G3BP1: variants seen among roughly 807,000 people sequenced by gnomAD.
G3BP1 encodes ras GTPase-activating protein-binding protein 1.
Under a neutral mutation model 58.6 loss-of-function variants are expected in G3BP1, and 35 were observed. The observed-to-expected ratio is 0.60, with a 90% CI of 0.46 to 0.79. G3BP1 has a LOEUF of 0.79. Ranked by LOEUF, G3BP1 falls within the 30% of genes least tolerant of loss-of-function variation. The pLI is 0.00. For synonymous variants in G3BP1, 191 were observed against 195.4 expected (o/e 0.98, Z 0.19); for missense variants, 523 against 580.8 (o/e 0.90, Z 1.02).
chr5:151,781,105 A>C (rs975200784), intron 1 of G3BP1, among the ~76,000 whole-genome samples: 12 of 152,352 alleles, frequency 7.9e-5, no homozygotes, highest in African/African-American at 2.9e-4. Context: ...AAATTAAGAA[A>C]AAGGTATTTC....
intron 4 of G3BP1, chr5:151,791,270 G>A (rs576788551): frequency 4.2e-5 from 18 of 424,946 alleles, no homozygotes; most frequent in African/African-American, 3.3e-4. Flanking sequence ...TAGTTTAGTG[G>A]GCATTTCCTA....
intron 1 of G3BP1, among the ~76,000 whole-genome samples, chr5:151,782,597 T>C (rs954197119): frequency 6.6e-6 from 1 of 152,124 alleles, no homozygotes; most frequent in African/African-American, 2.4e-5. Context: ...AAGTCCATAG[T>C]TGTAGAAATT....
At chr5:151,791,803 T>G (rs1335612034) in intron 4 of G3BP1, 1 of 250,886 alleles carries the variant, frequency 4.0e-6, no homozygotes, top group East Asian at 1.2e-4. Flanking sequence ...ACTATAGGCG[T>G]GTGCTACCGT....
At chr5:151,786,344 T>G (rs1413608313) in intron 1 of G3BP1, among the ~76,000 whole-genome samples, 1 of 152,138 alleles carries the variant, frequency 6.6e-6, no homozygotes. Context: ...ACCTTTGAGG[T>G]TCTTACGTCT....
chr5:151,803,120 T>C (rs535326189), intron 11 of G3BP1, among the ~76,000 whole-genome samples: 5 of 152,304 alleles, frequency 3.3e-5, no homozygotes, highest in African/African-American at 1.2e-4. Context: ...GCCAAGACTA[T>C]CCAAAATTCT....
At chr5:151,791,287 A>G (rs1338088617) in intron 4 of G3BP1, 1 of 387,328 alleles carries the variant, frequency 2.6e-6, no homozygotes, top group African/African-American at 2.0e-5. Flanking sequence ...CCTAAGAATA[A>G]TTCTCTTCCA....
At chr5:151,785,199 T>TG (rs1762537311) in intron 1 of G3BP1, among the ~76,000 whole-genome samples, 1 of 152,230 alleles carries the variant, frequency 6.6e-6, no homozygotes, top group South Asian at 2.1e-4. Flanking sequence ...AGATTGTTAC[T>TG]GATATGCTCA....
intron 11 of G3BP1, 86 bp downstream of exon 11, chr5:151,800,955 T>C: frequency 3.0e-6 from 2 of 671,352 alleles, no homozygotes. Flanking sequence ...GCTGGGTCTT[T>C]ATGTAAAGTG....
At chr5:151,781,089 T>TA (rs922823377) in intron 1 of G3BP1, among the ~76,000 whole-genome samples, 10 of 151,694 alleles carry the variant, frequency 6.6e-5, no homozygotes, top group African/African-American at 1.5e-4. Context: ...CTAGAAATAA[T>TA]AAAAAAAATT....
At position 151,794,287 on chromosome 5, in the gene G3BP1, T is replaced by G. The variant is rs944204045; in HGVS notation, c.442+38T>G. 23 of 1,210,620 alleles carry G rather than the reference T, an allele frequency of 1.9e-5. 2 individuals carry two copies. In the Admixed American group the frequency reaches 2.5e-4, roughly 13 times the overall value. 75.0% of individuals were successfully genotyped at this position (1,210,620 alleles called of 1,614,324 possible). A position where few individuals can be genotyped will look rare whatever the true frequency, so the allele number is the denominator to read the frequency against. On this transcript the variant is annotated intron_variant, in intron 5 of 11. Coordinates refer to ENST00000356245, the MANE Select transcript of G3BP1 (RefSeq NM_005754.3). ...ATACTTTAAATTACTTGTCTAAATTTTTTTTAATGGCATCCGATTGCCCTT... is the reference window on the plus strand; with the variant it reads ...ATACTTTAAATTACTTGTCTAAATTGTTTTTAATGGCATCCGATTGCCCTT...
At chr5:151,795,326 TCCTTAAAGTCAGTG>T (rs1762731171) in intron 5 of G3BP1, among the ~76,000 whole-genome samples, 139 bp from the exon 6 acceptor site, 1 of 152,220 alleles carries the variant, frequency 6.6e-6, no homozygotes, top group African/African-American at 2.4e-5. Flanking sequence ...CTTAGTTCTG[TCCTTAAAGTCAGTG>T]CCATGATTTT....
At chr5:151,794,404 A>G (rs149458347) in intron 5 of G3BP1, among the ~76,000 whole-genome samples, 155 bp downstream of exon 5, 2,868 of 152,314 alleles carry the variant, frequency 0.019, 44 homozygotes, top group Middle Eastern at 0.061. Flanking sequence ...GTTTTACCCT[A>G]CTTGAAGCTG....
intron 1 of G3BP1, among the ~76,000 whole-genome samples, chr5:151,774,738 G>A (rs1376886351): frequency 6.6e-6 from 1 of 150,720 alleles, no homozygotes; most frequent in African/African-American, 2.4e-5. Context: ...GGAAAGCCTC[G>A]CCCGCCCCCC....
intron 1 of G3BP1, 133 bp downstream of exon 1, chr5:151,772,169 A>C (rs1328174503): frequency 2.7e-5 from 4 of 147,270 alleles, no homozygotes; most frequent in East Asian, 2.1e-4. Flanking sequence ...CCCCACCCCA[A>C]CGGCCGCAGG....
At chr5:151,797,477 A>G (rs933375033) in intron 7 of G3BP1, 49 bp downstream of exon 7, 26 of 1,546,098 alleles carry the variant, frequency 1.7e-5, no homozygotes, top group Middle Eastern at 2.0e-4. Flanking sequence ...ATTTTTTTTA[A>G]AAAAAGTTTC....
At chr5:151,786,819 A>G (rs2113228175) in intron 2 of G3BP1, 104 bp downstream of exon 2, 3 of 742,696 alleles carry the variant, frequency 4.0e-6, no homozygotes, top group Non-Finnish European at 7.1e-6. Context: ...GGGTTGTTGC[A>G]TAATACTTAT....
chr5:151,790,702 T>TA (rs1161016122), intron 3 of G3BP1, among the ~76,000 whole-genome samples, 187 bp from the exon 4 acceptor site: 1 of 152,186 alleles, frequency 6.6e-6, no homozygotes, highest in African/African-American at 2.4e-5. Flanking sequence ...GACAGTTATT[T>TA]AAAAAACTCA....
intron 1 of G3BP1, among the ~76,000 whole-genome samples, chr5:151,784,233 C>T (rs113381213): frequency 0.017 from 2,569 of 152,244 alleles, 26 homozygotes; most frequent in Middle Eastern, 0.034. Flanking sequence ...GTAGCTGAGA[C>T]TTTCAGGAAT....
chr5:151,802,118 T>C (rs1762865331), intron 11 of G3BP1, among the ~76,000 whole-genome samples: 1 of 152,196 alleles, frequency 6.6e-6, no homozygotes, highest in Admixed American at 6.5e-5. Flanking sequence ...CACCTGGCCT[T>C]ACTGCATAGT....
Sources: gnomAD v4.1 joint callset for allele counts (sites outside exome capture counted in the v4.1 genomes callset) on GRCh38, gnomAD v4.1.1 for gene constraint, MANE v1.5 for transcripts, NCBI Gene and HGNC (gene_info 2026-07-23, HGNC 2026-07-21) for gene names.